The following GTF2A2 variants were observed in gnomAD, a reference collection of about 807,000 sequenced individuals.
GTF2A2 encodes the protein transcription initiation factor IIA subunit 2.
A neutral mutation model predicts 14.3 loss-of-function variants in GTF2A2; 9 were observed. That is an observed-to-expected ratio of 0.63 (90% CI 0.38 to 1.10). The LOEUF is 1.10. GTF2A2 is among the 50% of genes least tolerant of loss of function. GTF2A2 has a pLI of 0.01. For synonymous variants in GTF2A2, 56 were observed against 46.0 expected, an observed-to-expected ratio of 1.22 and a Z score of -0.88; for missense variants, 90 against 124.6, an observed-to-expected ratio of 0.72 and a Z score of 1.32.
chr15:59,654,445 C>T (rs1891885134), intron 1 of GTF2A2, among the ~76,000 whole-genome samples: 1 of 152,196 alleles, frequency 6.6e-6, no homozygotes, highest in Admixed American at 6.5e-5. Flanking sequence ...GAAAGGCCTT[C>T]TATAATCAAC....
intron 1 of GTF2A2, among the ~76,000 whole-genome samples, chr15:59,653,546 G>C (rs1255070518): frequency 2.6e-5 from 4 of 152,092 alleles, no homozygotes; most frequent in Non-Finnish European, 4.4e-5. Flanking sequence ...TTCCTCCTCA[G>C]CTCCCTGACT....
At chr15:59,650,121 A>C (rs1891746291) in intron 3 of GTF2A2, among the ~76,000 whole-genome samples, 1 of 152,202 alleles carries the variant, frequency 6.6e-6, no homozygotes, top group South Asian at 2.1e-4. Flanking sequence ...TGAGAGAGAT[A>C]ATTTTATTCA....
chr15:59,648,136 C>T (rs1209431105), intron 3 of GTF2A2, among the ~76,000 whole-genome samples: 3 of 151,962 alleles, frequency 2.0e-5, no homozygotes, highest in Admixed American at 6.6e-5. Flanking sequence ...TGGCCGGGTG[C>T]GGTACCTCAC....
Position 59,652,345 on chromosome 15 carries a change from A to G in GTF2A2, c.-49-19T>C, listed in dbSNP as rs1264160032. Reference sequence around the variant, plus strand: ...TGATGTCCTAAAAATTTAATATAAAATTGTTAAAAAAGATCATACTGTAAC... The same window carrying G: ...TGATGTCCTAAAAATTTAATATAAAGTTGTTAAAAAAGATCATACTGTAAC... On this transcript the variant is annotated intron_variant, in intron 1 of 4. Transcript: ENST00000396060. 1.2e-6 allele frequency: 1 copy of G among 823,074 alleles called. No homozygotes were observed. Among genetic ancestry groups the G allele is most frequent in the Non-Finnish European group, 2.0e-6 (1 of 498,820 alleles). 51.0% of individuals were successfully genotyped at this position (823,074 alleles called of 1,614,324 possible). A position where few individuals can be genotyped will look rare whatever the true frequency, so the allele number is the denominator to read the frequency against.
chr15:59,644,775 T>C (rs1204222602), intron 3 of GTF2A2, among the ~76,000 whole-genome samples: 1 of 152,186 alleles, frequency 6.6e-6, no homozygotes, highest in African/African-American at 2.4e-5. Flanking sequence ...AATGGGGTGG[T>C]TGATTCCAGA....
Position 59,638,920 on chromosome 15 carries a change from T to A in GTF2A2, c.*212A>T. On this transcript the variant is annotated 3_prime_UTR_variant, in exon 5 of 5. Transcript: ENST00000396060. ...AGGTTCTTAGGAAGGCAACAACTTT[T>A]GTCCTTAAAAAAAAGTTATGGTTTT... 1 of 479,496 alleles carries A rather than the reference T, an allele frequency of 2.1e-6. No individual in the cohort carries two copies. The highest frequency in any genetic ancestry group is 3.8e-6 in the Non-Finnish European group (1 of 264,692). The allele number at this position is 479,496 out of a possible 1,614,324, so 29.7% of individuals were successfully genotyped here.
intron 1 of GTF2A2, among the ~76,000 whole-genome samples, chr15:59,653,612 ACT>A (rs34549141): frequency 0.31 from 46,760 of 151,704 alleles, 8,198 homozygotes; most frequent in East Asian, 0.59. Flanking sequence ...CACATACTTT[ACT>A]CTCTTAGTTA....
intron 1 of GTF2A2, among the ~76,000 whole-genome samples, chr15:59,655,323 C>A (rs1169153935): frequency 1.3e-5 from 2 of 152,206 alleles, no homozygotes; most frequent in African/African-American, 4.8e-5. Flanking sequence ...CACTGTCTCC[C>A]AATTCCTTTT....
rs1261507484 is a variant in GTF2A2, at chr15:59,638,496, T to C, written c.*636A>G. On this transcript the variant is annotated 3_prime_UTR_variant, in exon 5 of 5. Transcript: ENST00000396060. ...TGGCAAGCTGAAGACACCTGTCATG[T>C]GGGGGGACTATTTTGTTTGGGTTTT... 1 of 152,296 alleles carries C rather than the reference T, an allele frequency of 6.6e-6. No homozygotes were observed. Among genetic ancestry groups the C allele is most frequent in the Non-Finnish European group, 1.5e-5 (1 of 68,182 alleles). The allele number at this position is 152,296 out of a possible 1,614,324, so 9.4% of individuals were successfully genotyped here. A position where few individuals can be genotyped will look rare whatever the true frequency, so the allele number is the denominator to read the frequency against.
At chr15:59,649,466 T>C (rs541664103) in intron 3 of GTF2A2, among the ~76,000 whole-genome samples, 13 of 152,344 alleles carry the variant, frequency 8.5e-5, no homozygotes, top group African/African-American at 2.9e-4. Context: ...CTCTGATAAG[T>C]AGTCCACCAA....
At position 59,657,496 on chromosome 15, in the gene GTF2A2, G is replaced by GCCGCAGAAA. The variant is rs1312735107; in HGVS notation, c.-149_-141dup. On this transcript the variant is annotated 5_prime_UTR_variant, in exon 1 of 5. Coordinates refer to ENST00000396060, the MANE Select transcript of GTF2A2 (RefSeq NM_004492.3). The stretch of plus-strand genomic sequence containing the variant: ...TACTTCTCCGACCACCTCTCCAGCC[G>GCCGCAGAAA]CCGCAGAAACCGCAGAACTGAGCTG... 6.6e-6 allele frequency: 1 copy of GCCGCAGAAA among 152,362 alleles called. No individual in the cohort carries two copies. The highest frequency in any genetic ancestry group is 2.4e-5 in the African/African-American group (1 of 41,466). 9.4% of individuals were successfully genotyped at this position (152,362 alleles called of 1,614,324 possible).
At chr15:59,650,305 C>T (rs1891752988) in intron 3 of GTF2A2, among the ~76,000 whole-genome samples, 1 of 152,148 alleles carries the variant, frequency 6.6e-6, no homozygotes, top group Admixed American at 6.5e-5. Context: ...CGGGGAAAGG[C>T]CAGACTTTGA....
intron 4 of GTF2A2, 115 bp from the exon 5 acceptor site, chr15:59,639,272 T>C: frequency 1.4e-6 from 1 of 721,222 alleles, no homozygotes; most frequent in Non-Finnish European, 2.6e-6. Context: ...TGGTGGTGGC[T>C]TGCAGGGTGG....
In GTF2A2 at chr15:59,649,069, T is replaced by C. The variant is rs193284057; in HGVS notation, c.177+1600A>G. Among the ~76,000 whole-genome samples the C allele has an allele frequency of 3.7e-3, 568 of 152,372 alleles. 3 individuals are homozygous for C. The highest frequency in any genetic ancestry group is 6.8e-3 in the Non-Finnish European group (464 of 68,030). On this transcript the variant is annotated intron_variant, in intron 3 of 4. Transcript: ENST00000396060. ...ATACATAAAAAATATATACCTAAAT[T>C]TGATCTAGCAAAATGGCTCTGAAAA...
At chr15:59,654,475 T>A (rs377605881) in intron 1 of GTF2A2, among the ~76,000 whole-genome samples, 1 of 152,198 alleles carries the variant, frequency 6.6e-6, no homozygotes, top group East Asian at 1.9e-4. Flanking sequence ...AGAATTACCT[T>A]CCTTCTTCCT....
chr15:59,645,424 C>T (rs1004252610), intron 3 of GTF2A2, among the ~76,000 whole-genome samples: 2 of 152,004 alleles, frequency 1.3e-5, no homozygotes, highest in African/African-American at 2.4e-5. Flanking sequence ...CCAGGGAATA[C>T]GAGAAAAGCT....
At chr15:59,654,462 G>T (rs900486930) in intron 1 of GTF2A2, among the ~76,000 whole-genome samples, 6 of 152,128 alleles carry the variant, frequency 3.9e-5, no homozygotes, top group African/African-American at 7.2e-5. Flanking sequence ...CAACCTATAA[G>T]AAAGAATTAC....
rs1891764849 is a variant in GTF2A2 at position 59,650,719 on chromosome 15, C to A, written c.127G>T (p.Ala43Ser). Residue 43 changes from alanine (A) to serine (S), a missense_variant, in exon 3 of 5, where the codon GCT becomes TCT. By Grantham distance (99) the Ala-to-Ser change is moderately conservative (BLOSUM62 1). Coordinates refer to ENST00000396060, the MANE Select transcript of GTF2A2 (RefSeq NM_004492.3). ...ALQVLLQFDK[A>S]INAALAQRVR... Reference sequence around the variant, plus strand: ...CTCTGAGCCAGTGCTGCATTTATAGCCTTATCAAACTGAAGTAGAACTTGA... The same window carrying A: ...CTCTGAGCCAGTGCTGCATTTATAGACTTATCAAACTGAAGTAGAACTTGA... 1 of 1,611,628 alleles carries A rather than the reference C, an allele frequency of 6.2e-7. No individual in the cohort carries two copies. Among genetic ancestry groups the A allele is most frequent in the African/African-American group, 1.3e-5 (1 of 74,856 alleles).
In GTF2A2 at chr15:59,641,262, T is replaced by C. The variant is rs528714581; in HGVS notation, c.304+874A>G. Among the ~76,000 whole-genome samples the C allele has an allele frequency of 2.3e-3, 354 of 151,504 alleles. 1 individual carries two copies. Among genetic ancestry groups the C allele is most frequent in the African/African-American group, 8.4e-3 (346 of 41,270 alleles). On this transcript the variant is annotated intron_variant, in intron 4 of 4. Coordinates refer to ENST00000396060, the MANE Select transcript of GTF2A2 (RefSeq NM_004492.3). ...TAATGTCTACATATACATACATTTTTGCAAAAAAAAGTTATAACACCATCA... is the reference window on the plus strand; with the variant it reads ...TAATGTCTACATATACATACATTTTCGCAAAAAAAAGTTATAACACCATCA...
Sources: gnomAD v4.1 joint callset for allele counts (sites outside exome capture counted in the v4.1 genomes callset) on GRCh38, gnomAD v4.1.1 for gene constraint, MANE v1.5 for transcripts, NCBI Gene and HGNC (gene_info 2026-07-23, HGNC 2026-07-21) for gene names.